Variants in SSTR4 observed in about 807,000 individuals in gnomAD.
SSTR4 encodes the protein somatostatin receptor type 4.
For missense variants in SSTR4, 649 were observed against 540.6 expected, an observed-to-expected ratio of 1.20 and a Z score of -1.99; for synonymous variants, 272 against 246.3, an observed-to-expected ratio of 1.10 and a Z score of -0.98.
In SSTR4 at chr20:23,035,529, G is replaced by C. The variant is rs1984276074; in HGVS notation, c.46G>C (p.Gly16Arg). ...GCCCCCCGGGGGCGAGGAAGGGCTG[G>C]GGACGGCCTGGCCCTCTGCAGCCAA... Reference protein sequence around the residue: ...TLPPGGEEGLGTAWPSAANAS... With the variant: ...TLPPGGEEGLRTAWPSAANAS... Residue 16 changes from glycine (G) to arginine (R), a missense_variant, in exon 1 of 1, where the codon GGG becomes CGG. Physicochemically the swap from Gly to Arg is moderately radical, Grantham distance 125. Coordinates refer to ENST00000255008, the MANE Select transcript of SSTR4 (RefSeq NM_001052.4). 6.3e-7 allele frequency: 1 copy of C among 1,584,576 alleles called. No individual in the cohort carries two copies. Among genetic ancestry groups the C allele is most frequent in the Non-Finnish European group, 8.6e-7 (1 of 1,169,284 alleles).
In SSTR4 at chr20:23,038,033, A is replaced by G. The variant is rs1389953380; in HGVS notation, c.*1383A>G. Among the ~76,000 whole-genome samples the G allele has an allele frequency of 1.3e-5, 2 of 152,160 alleles. No homozygotes were observed. The highest frequency in any genetic ancestry group is 2.9e-5 in the Non-Finnish European group (2 of 68,026). On this transcript the variant is annotated 3_prime_UTR_variant, in exon 1 of 1. Transcript: ENST00000255008. Reference sequence around the variant, plus strand: ...ACATGACTGTGGAATGGAAGTTTCAAAACTAAGTCAGAGAACCCTCTGATC... The same window carrying G: ...ACATGACTGTGGAATGGAAGTTTCAGAACTAAGTCAGAGAACCCTCTGATC...
chr20:23,036,529 C>G lies in SSTR4; in HGVS notation c.1046C>G (p.Thr349Ser). 1 of 1,613,728 alleles carries G rather than the reference C, an allele frequency of 6.2e-7. No homozygotes were observed. Among genetic ancestry groups the G allele is most frequent in the East Asian group, 2.2e-5 (1 of 44,864 alleles). ...GAGGAGCCCCTGGACTACTATGCCA[C>G]TGCTCTCAAGAGCAAAGGTGGGGCA... ...AEEEPLDYYA[T>S]ALKSKGGAGC... is the part of the protein sequence containing the mutation. Residue 349 changes from threonine to serine, a missense_variant, in exon 1 of 1, where the codon ACT (threonine) becomes AGT (serine). Thr to Ser is a moderately conservative substitution (Grantham distance 58, BLOSUM62 1). Transcript: ENST00000255008.
chr20:23,035,490 G>A lies in SSTR4; in HGVS notation c.7G>A (p.Ala3Thr). 3 of 1,530,790 alleles carry A rather than the reference G, an allele frequency of 2.0e-6. No homozygotes were observed. The highest frequency in any genetic ancestry group is 2.6e-6 in the Non-Finnish European group (3 of 1,147,118). The allele number at this position is 1,530,790 out of a possible 1,614,324, so 94.8% of individuals were successfully genotyped here. A position where few individuals can be genotyped will look rare whatever the true frequency, so the allele number is the denominator to read the frequency against. ...TGCGCCGGCACCCCTGGTCATGAGC[G>A]CCCCCTCGACGCTGCCCCCCGGGGG... MS[A>T]PSTLPPGGEE... is the part of the protein sequence containing the mutation. Residue 3 changes from alanine to threonine, a missense_variant, in exon 1 of 1, where the codon GCC (alanine) becomes ACC (threonine). Coordinates refer to ENST00000255008, the MANE Select transcript of SSTR4 (RefSeq NM_001052.4).
At position 23,036,624 on chromosome 20, in the gene SSTR4, C is replaced by T; in HGVS notation, c.1141C>T (p.Pro381Ser). The change falls in exon 1 of 1, where the codon CCC becomes TCC. Residue 381 changes from proline to serine, a missense_variant. Pro to Ser is a moderately conservative substitution (Grantham distance 74, BLOSUM62 -1). Coordinates refer to ENST00000255008, the MANE Select transcript of SSTR4 (RefSeq NM_001052.4). Reference sequence around the variant, plus strand: ...ACCAGAACCCGGCCGCAAGCGCATCCCCCTCACCAGGACCACCACCTTCTG... The same window carrying T: ...ACCAGAACCCGGCCGCAAGCGCATCTCCCTCACCAGGACCACCACCTTCTG... ...LQPEPGRKRI[P>S]LTRTTTF The T allele has an allele frequency of 1.3e-6, 2 of 1,561,660 alleles. No homozygotes were observed. Among genetic ancestry groups the T allele is most frequent in the Admixed American group, 3.7e-5 (2 of 54,012 alleles).
In SSTR4 at chr20:23,035,670, G is replaced by C; in HGVS notation, c.187G>C (p.Val63Leu). Residue 63 changes from valine (V) to leucine (L), a missense_variant, in exon 1 of 1, where the codon GTG (valine) becomes CTG (leucine). By Grantham distance (32) the Val-to-Leu change is conservative. Transcript: ENST00000255008. The stretch of plus-strand genomic sequence containing the variant: ...CGCGCTGGTGTGCCTGGTGGGGCTG[G>C]TGGGCAACGCCCTGGTCATCTTCGT... ...IYALVCLVGL[V>L]GNALVIFVIL... The C allele has an allele frequency of 6.5e-7, 1 of 1,542,616 alleles. No individual in the cohort carries two copies. Among genetic ancestry groups the C allele is most frequent in the Admixed American group, 2.0e-5 (1 of 49,908 alleles).
rs1384570350 is a variant in SSTR4 at position 23,035,620 on chromosome 20, G to T, written c.137G>T (p.Gly46Val). 2.6e-6 allele frequency: 4 copies of T among 1,545,198 alleles called. No individual in the cohort carries two copies. Among genetic ancestry groups the T allele is most frequent in the East Asian group, 4.7e-5 (2 of 42,996 alleles). Residue 46 changes from glycine (G) to valine (V), a missense_variant, in exon 1 of 1, where the codon GGC (glycine) becomes GTC (valine). Physicochemically the swap from Gly to Val is moderately radical, Grantham distance 109. Coordinates refer to ENST00000255008, the MANE Select transcript of SSTR4 (RefSeq NM_001052.4). ...VAGPGDARAA[G>V]MVAIQCIYAL... ...GGGCCCGGGGACGCGCGGGCGGCGGGCATGGTCGCTATCCAGTGCATCTAC... is the reference window on the plus strand; with the variant it reads ...GGGCCCGGGGACGCGCGGGCGGCGGTCATGGTCGCTATCCAGTGCATCTAC...
rs1460621206 is a variant in SSTR4 at position 23,035,551 on chromosome 20, C to T, written c.68C>T (p.Ala23Val). 5 of 1,594,332 alleles carry T rather than the reference C, an allele frequency of 3.1e-6. No individual in the cohort carries two copies. Among genetic ancestry groups the T allele is most frequent in the Non-Finnish European group, 3.4e-6 (4 of 1,172,932 alleles). ...EGLGTAWPSA[A>V]NASSAPAEAE... ...CTGGGGACGGCCTGGCCCTCTGCAG[C>T]CAATGCCAGTAGCGCTCCGGCGGAG... is the stretch of plus-strand genomic sequence containing the variant. Residue 23 changes from alanine to valine, a missense_variant, in exon 1 of 1, where the codon GCC becomes GTC. Coordinates refer to ENST00000255008, the MANE Select transcript of SSTR4 (RefSeq NM_001052.4).
Position 23,036,733 on chromosome 20 carries a change from G to A in SSTR4, c.*83G>A. On this transcript the variant is annotated 3_prime_UTR_variant, in exon 1 of 1. Coordinates refer to ENST00000255008, the MANE Select transcript of SSTR4 (RefSeq NM_001052.4). ...TACAGCCCCGAAGACTGCATCTCCT[G>A]AATGCTCACCTAAGCTCCACCACCT... The A allele has an allele frequency of 2.1e-6, 3 of 1,442,056 alleles. No individual in the cohort carries two copies. Among genetic ancestry groups the A allele is most frequent in the Non-Finnish European group, 2.8e-6 (3 of 1,069,238 alleles). The allele number at this position is 1,442,056 out of a possible 1,614,324, so 89.3% of individuals were successfully genotyped here.
At position 23,036,185 on chromosome 20, in the gene SSTR4, C is replaced by T. The variant is rs371658825; in HGVS notation, c.702C>T (p.Ile234=). Residue 234 remains isoleucine, a synonymous_variant, in exon 1 of 1, where the codon ATC becomes ATT. Transcript: ENST00000255008. ...CCATTGGCCTGTGCTACCTGCTCATCGTGGGCAAGATGCGCGCCGTGGCCC... is the reference window on the plus strand; with the variant it reads ...CCATTGGCCTGTGCTACCTGCTCATTGTGGGCAAGATGCGCGCCGTGGCCC... ...VLAIGLCYLL[I]VGKMRAVALR... 7.6e-5 allele frequency: 122 copies of T among 1,611,636 alleles called. 1 individual carries two copies. In the South Asian group the frequency reaches 1.2e-3, roughly 16 times the overall value.
In SSTR4 at chr20:23,036,050, G is replaced by A. The variant is rs1192916193; in HGVS notation, c.567G>A (p.Pro189=). ...LPIAIFADTR[P]ARGGQAVACN... The stretch of plus-strand genomic sequence containing the variant: ...TCGCCATCTTCGCAGACACCAGACC[G>A]GCTCGCGGCGGCCAGGCCGTGGCCT... The change falls in exon 1 of 1, where the codon CCG becomes CCA. Residue 189 remains proline, a synonymous_variant. Transcript: ENST00000255008. 2 of 1,575,868 alleles carry A rather than the reference G, an allele frequency of 1.3e-6. No individual in the cohort carries two copies. Among genetic ancestry groups the A allele is most frequent in the Non-Finnish European group, 8.6e-7 (1 of 1,167,798 alleles).
chr20:23,036,383 C>T lies in SSTR4; in HGVS notation c.900C>T (p.Ser300=). 2.5e-6 allele frequency: 4 copies of T among 1,614,146 alleles called. No individual in the cohort carries two copies. The highest frequency in any genetic ancestry group is 3.4e-6 in the Non-Finnish European group (4 of 1,180,000). ...ATVNHVSLIL[S]YANSCANPIL... The stretch of plus-strand genomic sequence containing the variant: ...TCAACCACGTGTCCCTTATCCTTAG[C>T]TATGCCAACAGCTGCGCCAACCCCA... Residue 300 remains serine, a synonymous_variant, in exon 1 of 1, where the codon AGC becomes AGT. Coordinates refer to ENST00000255008, the MANE Select transcript of SSTR4 (RefSeq NM_001052.4).
At position 23,036,472 on chromosome 20, in the gene SSTR4, G is replaced by T; in HGVS notation, c.989G>T (p.Cys330Phe). 6.2e-7 allele frequency: 1 copy of T among 1,613,770 alleles called. No homozygotes were observed. The highest frequency in any genetic ancestry group is 2.2e-5 in the East Asian group (1 of 44,868). ...RFFQRVLCLR[C>F]CLLEGAGGAE... ...TTCCAGCGGGTTCTCTGCCTGCGCTGCTGCCTCCTGGAAGGTGCTGGAGGT... is the reference window on the plus strand; with the variant it reads ...TTCCAGCGGGTTCTCTGCCTGCGCTTCTGCCTCCTGGAAGGTGCTGGAGGT... Residue 330 changes from cysteine to phenylalanine, a missense_variant, in exon 1 of 1, where the codon TGC (cysteine) becomes TTC (phenylalanine). Transcript: ENST00000255008.
At position 23,036,253 on chromosome 20, in the gene SSTR4, T is replaced by C. The variant is rs553707303; in HGVS notation, c.770T>C (p.Ile257Thr). 4.3e-6 allele frequency: 7 copies of C among 1,614,072 alleles called. No individual in the cohort carries two copies. The highest frequency in any genetic ancestry group is 1.3e-5 in the African/African-American group (1 of 75,040). ...CAGCGCAGGCGCTCGGAGAAGAAAATCACCAGGCTGGTGCTGATGGTCGTG... is the reference window on the plus strand; with the variant it reads ...CAGCGCAGGCGCTCGGAGAAGAAAACCACCAGGCTGGTGCTGATGGTCGTG... The part of the protein sequence containing the change: ...WQQRRRSEKK[I>T]TRLVLMVVVV... Residue 257 changes from isoleucine (I) to threonine (T), a missense_variant, in exon 1 of 1, where the codon ATC becomes ACC. By Grantham distance (89) the Ile-to-Thr change is moderately conservative. Coordinates refer to ENST00000255008, the MANE Select transcript of SSTR4 (RefSeq NM_001052.4).
In SSTR4 at chr20:23,035,697, A is replaced by T. The variant is rs942862265; in HGVS notation, c.214A>T (p.Ile72Phe). 1.9e-6 allele frequency: 3 copies of T among 1,554,306 alleles called. No homozygotes were observed. Among genetic ancestry groups the T allele is most frequent in the Non-Finnish European group, 2.6e-6 (3 of 1,151,628 alleles). The part of the protein sequence containing the change: ...LVGNALVIFV[I>F]LRYAKMKTAT... ...GGGCAACGCCCTGGTCATCTTCGTG[A>T]TCCTTCGCTACGCCAAGATGAAGAC... is the stretch of plus-strand genomic sequence containing the variant. Residue 72 changes from isoleucine (I) to phenylalanine (F), a missense_variant, in exon 1 of 1, where the codon ATC (isoleucine) becomes TTC (phenylalanine). Transcript: ENST00000255008.
At position 23,035,651 on chromosome 20, in the gene SSTR4, G is replaced by A. The variant is rs767576910; in HGVS notation, c.168G>A (p.Leu56=). The change falls in exon 1 of 1, where the codon CTG becomes CTA. Residue 56 remains leucine (L), a synonymous_variant. Transcript: ENST00000255008. ...TCGCTATCCAGTGCATCTACGCGCT[G>A]GTGTGCCTGGTGGGGCTGGTGGGCA... ...GMVAIQCIYA[L]VCLVGLVGNA... is the part of the protein sequence containing the mutation. 3.2e-6 allele frequency: 5 copies of A among 1,540,374 alleles called. No individual in the cohort carries two copies. In the East Asian group the frequency reaches 1.1e-4, roughly 35 times the overall value.
chr20:23,037,496 G>A lies in SSTR4; in HGVS notation c.*846G>A, dbSNP rs978643689. Among the ~76,000 whole-genome samples, 6 of 152,128 alleles carry A rather than the reference G, an allele frequency of 3.9e-5. No individual in the cohort carries two copies. The East Asian group carries it at 7.7e-4, about 20-fold the overall frequency. Reference sequence around the variant, plus strand: ...CGGGAAAAGCTGACCAGAGAGCAGCGAGGGATGGGAACCAGCCCAGGTTTT... The same window carrying A: ...CGGGAAAAGCTGACCAGAGAGCAGCAAGGGATGGGAACCAGCCCAGGTTTT... On this transcript the variant is annotated 3_prime_UTR_variant, in exon 1 of 1. Transcript: ENST00000255008.
rs1229946814 is a variant in SSTR4, at chr20:23,035,765, G to C, written c.282G>C (p.Glu94Asp). ...TGCTCAACCTGGCCGTAGCCGACGAGCTCTTCATGCTGAGCGTGCCCTTCG... is the reference window on the plus strand; with the variant it reads ...TGCTCAACCTGGCCGTAGCCGACGACCTCTTCATGCTGAGCGTGCCCTTCG... ...IYLLNLAVADELFMLSVPFVA... is the reference protein window; with the variant it reads ...IYLLNLAVADDLFMLSVPFVA... Residue 94 changes from glutamate to aspartate, a missense_variant, in exon 1 of 1, where the codon GAG (glutamate) becomes GAC (aspartate). Transcript: ENST00000255008. 4 of 1,593,444 alleles carry C rather than the reference G, an allele frequency of 2.5e-6. No homozygotes were observed. Among genetic ancestry groups the C allele is most frequent in the Non-Finnish European group, 3.4e-6 (4 of 1,169,564 alleles).
In SSTR4 at chr20:23,036,618, C is replaced by T. The variant is rs563306096; in HGVS notation, c.1135C>T (p.Arg379Cys). 4.7e-5 allele frequency: 74 copies of T among 1,568,052 alleles called. No homozygotes were observed. The highest frequency in any genetic ancestry group is 1.7e-4 in the Middle Eastern group (1 of 5,792). Reference protein sequence around the residue: ...EALQPEPGRKRIPLTRTTTF With the variant: ...EALQPEPGRKCIPLTRTTTF The stretch of plus-strand genomic sequence containing the variant: ...CCTGCAACCAGAACCCGGCCGCAAG[C>T]GCATCCCCCTCACCAGGACCACCAC... The change falls in exon 1 of 1, where the codon CGC (arginine) becomes TGC (cysteine). Residue 379 changes from arginine to cysteine, a missense_variant. By Grantham distance (180) the Arg-to-Cys change is radical. Transcript: ENST00000255008.
rs1188357122 is a variant in SSTR4 at position 23,036,773 on chromosome 20, C to T, written c.*123C>T. ...CTCCACCACCTGTTCCTTCCAGCAG[C>T]CCATGTACCTGCCGGAGAGTGTCAG... is the stretch of plus-strand genomic sequence containing the variant. On this transcript the variant is annotated 3_prime_UTR_variant, in exon 1 of 1. Coordinates refer to ENST00000255008, the MANE Select transcript of SSTR4 (RefSeq NM_001052.4). 1.8e-6 allele frequency: 2 copies of T among 1,120,186 alleles called. No individual in the cohort carries two copies. Among genetic ancestry groups the T allele is most frequent in the African/African-American group, 3.1e-5 (2 of 63,836 alleles). 69.4% of individuals were successfully genotyped at this position (1,120,186 alleles called of 1,614,324 possible).
Sources: allele counts gnomAD v4.1 joint callset (sites outside exome capture counted in the v4.1 genomes callset), GRCh38; gene constraint gnomAD v4.1.1; transcripts MANE v1.5; gene names NCBI Gene and HGNC (gene_info 2026-07-23, HGNC 2026-07-21).